The following R3HCC1L variants were observed in gnomAD, a reference collection of about 807,000 sequenced individuals.
R3HCC1L encodes coiled-coil domain-containing protein R3HCC1L.
R3HCC1L carries 51 observed loss-of-function variants against 59.9 expected under a neutral mutation model. The observed-to-expected ratio is 0.85, with a 90% CI of 0.68 to 1.07. The LOEUF (loss-of-function observed/expected upper bound fraction) is 1.07. R3HCC1L is among the 50% of genes least tolerant of loss of function. The pLI is 0.00. For synonymous variants in R3HCC1L, 322 were observed against 315.2 expected (o/e 1.02, Z -0.23); for missense variants, 965 against 933.0 (o/e 1.03, Z -0.45).
intron 4 of R3HCC1L, among the ~76,000 whole-genome samples, chr10:98,174,953 A>G (rs994293640): frequency 6.6e-6 from 1 of 152,222 alleles, no homozygotes; most frequent in Non-Finnish European, 1.5e-5. Flanking sequence ...AACCGTTCAA[A>G]TTAAAAATAT....
chr10:98,144,878 G>T (rs1408607776), intron 1 of R3HCC1L, among the ~76,000 whole-genome samples: 1 of 152,172 alleles, frequency 6.6e-6, no homozygotes, highest in Admixed American at 6.5e-5. Context: ...GTAACAAATT[G>T]ACTGGAGGGG....
intron 4 of R3HCC1L, among the ~76,000 whole-genome samples, chr10:98,172,002 AAAC>A (rs1301932574): frequency 6.6e-6 from 1 of 152,186 alleles, no homozygotes; most frequent in Admixed American, 6.5e-5. Flanking sequence ...GACTGGGTAG[AAAC>A]AACATTTTAG....
intron 4 of R3HCC1L, among the ~76,000 whole-genome samples, chr10:98,205,753 T>C (rs1852567157): frequency 6.6e-6 from 1 of 152,172 alleles, no homozygotes; most frequent in African/African-American, 2.4e-5. Flanking sequence ...AAGGTTGAAT[T>C]TGTAAAGTCA....
chr10:98,174,742 A>G, intron 4 of R3HCC1L: 3 of 983,204 alleles, frequency 3.1e-6, no homozygotes, highest in Non-Finnish European at 3.6e-6. Context: ...ATTGACACCA[A>G]ATCATGGAAA....
chr10:98,159,510 CTAATT>C (rs1847194996), intron 2 of R3HCC1L, among the ~76,000 whole-genome samples: 1 of 152,160 alleles, frequency 6.6e-6, no homozygotes, highest in African/African-American at 2.4e-5. Context: ...CTTTCACTCA[CTAATT>C]TTAGTATCCA....
chr10:98,188,608 G>A (rs1019187793), intron 4 of R3HCC1L, among the ~76,000 whole-genome samples: 2 of 152,176 alleles, frequency 1.3e-5, no homozygotes, highest in Non-Finnish European at 2.9e-5. Flanking sequence ...CCTCAGTTAT[G>A]TCTTTCAGAG....
At chr10:98,150,806 C>T (rs1247655890) in intron 1 of R3HCC1L, among the ~76,000 whole-genome samples, 1 of 152,144 alleles carries the variant, frequency 6.6e-6, no homozygotes, top group African/African-American at 2.4e-5. Context: ...AACAGTAGTC[C>T]CCCCTCCCCT....
chr10:98,135,505 C>T (rs1197503919), intron 1 of R3HCC1L, among the ~76,000 whole-genome samples: 1 of 152,176 alleles, frequency 6.6e-6, no homozygotes, highest in African/African-American at 2.4e-5. Context: ...TCGGGTATAA[C>T]CTTGCCATCC....
intron 4 of R3HCC1L, chr10:98,186,666 T>A (rs1307389068): frequency 4.0e-6 from 1 of 250,020 alleles, no homozygotes; most frequent in Admixed American, 6.5e-5. Flanking sequence ...AGTATAGTTT[T>A]CAGAAAAAGG....
chr10:98,190,131 A>C (rs1284271685), intron 4 of R3HCC1L, among the ~76,000 whole-genome samples: 1 of 152,200 alleles, frequency 6.6e-6, no homozygotes, highest in Non-Finnish European at 1.5e-5. Flanking sequence ...AATATTTGTT[A>C]GACTTCATTG....
At chr10:98,145,690 G>A (rs1484628367) in intron 1 of R3HCC1L, among the ~76,000 whole-genome samples, 3 of 152,178 alleles carry the variant, frequency 2.0e-5, no homozygotes, top group Non-Finnish European at 4.4e-5. Context: ...GGTGGCCCAC[G>A]CCTGTAATCC....
chr10:98,204,269 G>A (rs369192953), intron 4 of R3HCC1L, among the ~76,000 whole-genome samples: 4 of 152,154 alleles, frequency 2.6e-5, no homozygotes, highest in African/African-American at 7.2e-5. Flanking sequence ...TTAGCCAGGC[G>A]TGGTGGGCAC....
intron 1 of R3HCC1L, among the ~76,000 whole-genome samples, chr10:98,142,849 C>T (rs1845288943): frequency 6.6e-6 from 1 of 152,032 alleles, no homozygotes; most frequent in Non-Finnish European, 1.5e-5. Flanking sequence ...GCAGGAGAAT[C>T]GTTTGAACCT....
chr10:98,182,466 G>A (rs1443924005), intron 4 of R3HCC1L, among the ~76,000 whole-genome samples: 3 of 152,190 alleles, frequency 2.0e-5, no homozygotes, highest in Non-Finnish European at 2.9e-5. Flanking sequence ...CCTGGGAGGT[G>A]TCTCCCAGTT....
intron 4 of R3HCC1L, among the ~76,000 whole-genome samples, chr10:98,176,117 C>T (rs188256441): frequency 1.7e-3 from 253 of 152,182 alleles, no homozygotes; most frequent in South Asian, 7.5e-3. Flanking sequence ...ACTCTTACTG[C>T]GTTTCATACA....
intron 1 of R3HCC1L, among the ~76,000 whole-genome samples, chr10:98,136,146 C>A (rs140113164): frequency 1.3e-5 from 2 of 151,968 alleles, no homozygotes; most frequent in African/African-American, 4.8e-5. Context: ...TGACACTGTG[C>A]CCACTGTGCC....
chr10:98,218,503 A>T (rs1414637351), intron 5 of R3HCC1L, among the ~76,000 whole-genome samples: 2 of 152,118 alleles, frequency 1.3e-5, no homozygotes, highest in African/African-American at 4.8e-5. Flanking sequence ...CTTTTGTTTC[A>T]TTGATACTTT....
intron 5 of R3HCC1L, among the ~76,000 whole-genome samples, chr10:98,212,489 GT>G (rs980949433): frequency 1.3e-5 from 2 of 152,280 alleles, no homozygotes; most frequent in African/African-American, 4.8e-5. Context: ...GCCTTAGGGG[GT>G]TAGAGTATAA....
intron 6 of R3HCC1L, among the ~76,000 whole-genome samples, chr10:98,232,332 C>T (rs1856491761): frequency 6.6e-6 from 1 of 152,160 alleles, no homozygotes; most frequent in African/African-American, 2.4e-5. Flanking sequence ...CTTTTTTACG[C>T]TCTGCTCCTG....
Sources: gnomAD v4.1 joint callset for allele counts (sites outside exome capture counted in the v4.1 genomes callset) on GRCh38, gnomAD v4.1.1 for gene constraint, MANE v1.5 for transcripts, NCBI Gene and HGNC (gene_info 2026-07-23, HGNC 2026-07-21) for gene names.